The following KANK1 variants were observed in gnomAD, a reference collection of about 807,000 sequenced individuals.
The protein encoded by KANK1 is KN motif and ankyrin repeat domain-containing protein 1.
In KANK1, 109 loss-of-function variants were observed where a neutral mutation model predicts 106.2. That is an observed-to-expected ratio of 1.03 (90% CI 0.88 to 1.20). KANK1 has a LOEUF of 1.20. KANK1 is among the 50% of genes most tolerant of loss of function. KANK1 has a pLI of 0.00. For synonymous variants in KANK1, 873 were observed against 652.2 expected, an observed-to-expected ratio of 1.34 and a Z score of -5.16; for missense variants, 2,399 against 1,710.7, an observed-to-expected ratio of 1.40 and a Z score of -7.10.
chr9:543,689 G>A (rs1024404604), intron 1 of KANK1, among the ~76,000 whole-genome samples: 1 of 152,144 alleles, frequency 6.6e-6, no homozygotes, highest in East Asian at 1.9e-4. Flanking sequence ...TGACCATTGT[G>A]CATTATGCTG....
chr9:604,533 G>C (rs536345967), intron 1 of KANK1, among the ~76,000 whole-genome samples: 17 of 151,778 alleles, frequency 1.1e-4, no homozygotes, highest in African/African-American at 4.1e-4. Flanking sequence ...GCCTTCCACC[G>C]TGATTATAAG....
At chr9:474,603 A>C (rs1315248535) in intron 3 of KANK1, among the ~76,000 whole-genome samples, 1 of 152,180 alleles carries the variant, frequency 6.6e-6, no homozygotes, top group Admixed American at 6.5e-5. Flanking sequence ...TCTCTAAAAA[A>C]GTATATGTGT....
In KANK1 at chr9:742,377, C is replaced by A. The variant is rs200278059; in HGVS notation, c.3869C>A (p.Pro1290His). ...VEIVKLLLAQ[P>H]GCNGHLEDND... Reference sequence around the variant, plus strand: ...ATTGTCAAGCTGCTGCTGGCCCAGCCCGGCTGCAACGGTCACCTAGAGGAC... The same window carrying A: ...ATTGTCAAGCTGCTGCTGGCCCAGCACGGCTGCAACGGTCACCTAGAGGAC... Residue 1290 changes from proline (P) to histidine (H), a missense_variant, in exon 10 of 12, where the codon CCC becomes CAC. Transcript: ENST00000382297. The A allele has an allele frequency of 8.6e-5, 138 of 1,613,690 alleles. 1 individual carries two copies. Among genetic ancestry groups the A allele is most frequent in the Non-Finnish European group, 1.2e-4 (136 of 1,179,878 alleles).
intron 1 of KANK1, among the ~76,000 whole-genome samples, chr9:675,804 C>T (rs1816294025): frequency 6.6e-6 from 1 of 152,164 alleles, no homozygotes; most frequent in Non-Finnish European, 1.5e-5. Context: ...ACTCCATAGG[C>T]AGAGCAGGAG....
At chr9:631,118 C>T (rs1284137383) in intron 1 of KANK1, among the ~76,000 whole-genome samples, 3 of 152,056 alleles carry the variant, frequency 2.0e-5, no homozygotes, top group Non-Finnish European at 2.9e-5. Context: ...TGTTTCTGTT[C>T]AGCGTTAATA....
rs1486737663 is a variant in KANK1 at position 744,479 on chromosome 9, T to C, written c.3898-12T>C. 3.1e-6 allele frequency: 5 copies of C among 1,608,916 alleles called. No individual in the cohort carries two copies. In the African/African-American group the frequency reaches 5.3e-5, roughly 17 times the overall value. On this transcript the variant is annotated splice_polypyrimidine_tract_variant and intron_variant, in intron 10 of 11. Coordinates refer to ENST00000382297, the MANE Select transcript of KANK1 (RefSeq NM_015158.5). ...AACCCAACATGGCTTGTTCTTTCCATCTTATCTTAAGGATGGCAGCACTGC... is the reference window on the plus strand; with the variant it reads ...AACCCAACATGGCTTGTTCTTTCCACCTTATCTTAAGGATGGCAGCACTGC...
chr9:695,793 T>C (rs1821118887), intron 2 of KANK1, among the ~76,000 whole-genome samples: 1 of 152,122 alleles, frequency 6.6e-6, no homozygotes, highest in Admixed American at 6.6e-5. Context: ...AATTGGAATA[T>C]AGTCTAATTT....
chr9:666,901 CTTTTTTT>C (rs35149316), intron 1 of KANK1, among the ~76,000 whole-genome samples: 2 of 53,494 alleles, frequency 3.7e-5, no homozygotes, highest in African/African-American at 8.7e-5. Context: ...CTATTGTTGT[CTTTTTTT>C]TTTTTTTTTT....
intron 1 of KANK1, among the ~76,000 whole-genome samples, chr9:625,426 T>C (rs1309159867): frequency 1.3e-5 from 2 of 152,072 alleles, no homozygotes; most frequent in Admixed American, 6.5e-5. Context: ...TCCAGAAAAA[T>C]TGTTTATTAC....
intron 1 of KANK1, among the ~76,000 whole-genome samples, chr9:506,007 TA>T (rs778276289): frequency 3.9e-5 from 6 of 151,996 alleles, no homozygotes; most frequent in African/African-American, 1.2e-4. Context: ...ACGTTTTATT[TA>T]AAAAAAATTG....
intron 10 of KANK1, among the ~76,000 whole-genome samples, chr9:743,413 C>A (rs75925770): frequency 1.3e-5 from 2 of 152,158 alleles, no homozygotes; most frequent in Non-Finnish European, 1.5e-5. Flanking sequence ...AGCTTCTGAC[C>A]GACTTCTTTC....
intron 10 of KANK1, among the ~76,000 whole-genome samples, chr9:744,230 T>TC (rs760745882): frequency 6.6e-6 from 1 of 151,946 alleles, no homozygotes; most frequent in Non-Finnish European, 1.5e-5. Flanking sequence ...ATCTTCTGCT[T>TC]CCCCCTCCTG....
intron 1 of KANK1, among the ~76,000 whole-genome samples, chr9:582,995 A>C (rs971354776): frequency 6.6e-6 from 1 of 152,180 alleles, no homozygotes; most frequent in Admixed American, 6.5e-5. Flanking sequence ...ATTTTTTTTG[A>C]TATCAGAATG....
At chr9:681,170 G>C (rs1247697066) in intron 2 of KANK1, 2 of 152,626 alleles carry the variant, frequency 1.3e-5, no homozygotes, top group Non-Finnish European at 2.9e-5. Flanking sequence ...AGTGAGTTAT[G>C]ATGGTACCAC....
rs79437342 is a variant in KANK1, at chr9:671,623, A to AAAAAAAAAAAAAAAAAAAAAAAAAG, written c.-83-5263_-83-5262insAAAAAAAAAAAAAAAAAAAAGAAAA. On this transcript the variant is annotated intron_variant, in intron 1 of 11. Coordinates refer to ENST00000382297, the MANE Select transcript of KANK1 (RefSeq NM_015158.5). ...AGAGCGAAACTCCGTCTCAAAAAAAAAAAAGAGTGTACTGGTTAAGTACTG... is the reference window on the plus strand; with the variant it reads ...AGAGCGAAACTCCGTCTCAAAAAAAAAAAAAAAAAAAAAAAAAAAAAAAAGAAAAGAGTGTACTGGTTAAGTACTG... 4.2e-4 allele frequency among the ~76,000 whole-genome samples: 44 copies of AAAAAAAAAAAAAAAAAAAAAAAAAG among 103,622 alleles called. 1 individual carries two copies. The highest frequency in any genetic ancestry group is 5.2e-4 in the Non-Finnish European group (29 of 55,864). The allele number at this position is 103,622 out of a possible 152,430, so 68.0% of individuals were successfully genotyped here. A position where few individuals can be genotyped will look rare whatever the true frequency, so the allele number is the denominator to read the frequency against.
rs531383296 is a variant in KANK1, at chr9:595,504, T to C, written c.-83-81386T>C. Among the ~76,000 whole-genome samples, 6 of 151,950 alleles carry C rather than the reference T, an allele frequency of 3.9e-5. No individual in the cohort carries two copies. In the East Asian group the frequency reaches 1.2e-3, roughly 29 times the overall value. ...TATAGGGTGTGCTTTTGGACAGTTA[T>C]ACATAAGAATTTTTTTCTTTTTTCT... On this transcript the variant is annotated intron_variant, in intron 1 of 11. Transcript: ENST00000382297.
intron 3 of KANK1, among the ~76,000 whole-genome samples, chr9:498,485 G>A (rs1401990714): frequency 1.3e-5 from 2 of 152,200 alleles, no homozygotes; most frequent in Non-Finnish European, 1.5e-5. Flanking sequence ...AGTCCTCCTT[G>A]TGACCCACAA....
At chr9:596,671 T>G (rs1347198153) in intron 1 of KANK1, among the ~76,000 whole-genome samples, 1 of 151,888 alleles carries the variant, frequency 6.6e-6, no homozygotes, top group Non-Finnish European at 1.5e-5. Context: ...CCATCATTAC[T>G]TTACCAGTTC....
intron 1 of KANK1, among the ~76,000 whole-genome samples, chr9:555,893 A>G (rs185118803): frequency 3.9e-5 from 6 of 152,296 alleles, no homozygotes; most frequent in African/African-American, 1.2e-4. Context: ...AAAACAAACA[A>G]CTTTTAACCT....
Sources: gnomAD v4.1 joint callset for allele counts (sites outside exome capture counted in the v4.1 genomes callset) on GRCh38, gnomAD v4.1.1 for gene constraint, MANE v1.5 for transcripts, NCBI Gene and HGNC (gene_info 2026-07-23, HGNC 2026-07-21) for gene names.